Variants in TCF12 observed in about 807,000 individuals in gnomAD.
TCF12 encodes transcription factor 12.
Under a neutral mutation model 86.0 loss-of-function variants are expected in TCF12, and 45 were observed. The ratio of observed to expected loss-of-function variants is 0.52; its 90% CI spans 0.41 to 0.67. The LOEUF is 0.67. Ranked by LOEUF, TCF12 falls within the 30% of genes least tolerant of loss-of-function variation. TCF12 has a pLI of 0.00. For missense variants in TCF12, 881 were observed against 859.9 expected (o/e 1.02, Z -0.31); for synonymous variants, 330 against 299.6 (o/e 1.10, Z -1.05).
intron 3 of TCF12, among the ~76,000 whole-genome samples, chr15:56,946,612 C>T (rs2061007871): frequency 1.3e-5 from 2 of 152,104 alleles, no homozygotes; most frequent in South Asian, 4.1e-4. Flanking sequence ...TGCTGCTGCA[C>T]ATGCCTTGTA....
At position 57,104,716 on chromosome 15, in the gene TCF12, A is replaced by T. The variant is rs2050014223; in HGVS notation, c.325+12825A>T. ...TTGCCAAAGTGCTGGGATTACAGGC[A>T]TGACCCACTGTGCCTGGCCATAAAT... is the stretch of plus-strand genomic sequence containing the variant. On this transcript the variant is annotated intron_variant, in intron 5 of 20. Coordinates refer to ENST00000333725, the MANE Select transcript of TCF12 (RefSeq NM_207037.2). Among the ~76,000 whole-genome samples the T allele has an allele frequency of 2.0e-5, 3 of 149,864 alleles. No individual in the cohort carries two copies. In the South Asian group the frequency reaches 6.4e-4, roughly 32 times the overall value.
At chr15:57,198,348 CTTCA>C (rs1566903108) in intron 8 of TCF12, among the ~76,000 whole-genome samples, 1 of 152,080 alleles carries the variant, frequency 6.6e-6, no homozygotes, top group African/African-American at 2.4e-5. Flanking sequence ...GTTTTAAAGC[CTTCA>C]TTAAGCCTTT....
chr15:57,234,177 G>T, intron 12 of TCF12, 70 bp downstream of exon 12: 1 of 1,200,800 alleles, frequency 8.3e-7, no homozygotes. Context: ...AGATTTTGTA[G>T]GTGATAAGTA....
At chr15:57,061,075 T>C (rs1285236697) in intron 3 of TCF12, among the ~76,000 whole-genome samples, 4 of 152,212 alleles carry the variant, frequency 2.6e-5, no homozygotes, top group African/African-American at 9.6e-5. Flanking sequence ...ATTTCCAGTA[T>C]CAGTGGTATG....
chr15:57,012,335 G>GGTAT (rs1387545989), intron 3 of TCF12, among the ~76,000 whole-genome samples: 4 of 152,002 alleles, frequency 2.6e-5, no homozygotes, highest in African/African-American at 9.7e-5. Flanking sequence ...TTCATAACTT[G>GGTAT]GTATGTATTT....
intron 5 of TCF12, among the ~76,000 whole-genome samples, chr15:57,149,239 G>A (rs2053578470): frequency 6.6e-6 from 1 of 152,144 alleles, no homozygotes; most frequent in Non-Finnish European, 1.5e-5. Context: ...GTGGTTATCT[G>A]TAGCATATAT....
intron 3 of TCF12, among the ~76,000 whole-genome samples, chr15:56,944,106 A>C (rs2060894595): frequency 6.6e-6 from 1 of 152,162 alleles, no homozygotes; most frequent in Non-Finnish European, 1.5e-5. Context: ...AACATGAAAA[A>C]CTTGAAATTT....
At chr15:57,092,948 G>T (rs1361259987) in intron 5 of TCF12, among the ~76,000 whole-genome samples, 1 of 152,160 alleles carries the variant, frequency 6.6e-6, no homozygotes, top group Non-Finnish European at 1.5e-5. Context: ...GCTTTGCACA[G>T]TCTTTGTTTC....
At chr15:57,130,492 G>A (rs546303362) in intron 5 of TCF12, among the ~76,000 whole-genome samples, 4 of 152,106 alleles carry the variant, frequency 2.6e-5, no homozygotes, top group South Asian at 4.1e-4. Context: ...TCTTTTGGCA[G>A]GATTTGCAAA....
At chr15:57,098,826 A>G (rs1157395855) in intron 5 of TCF12, among the ~76,000 whole-genome samples, 1 of 152,182 alleles carries the variant, frequency 6.6e-6, no homozygotes, top group Non-Finnish European at 1.5e-5. Flanking sequence ...GATTTGGAGC[A>G]TGGGGGACCT....
At chr15:57,282,970 A>T (rs1262608895) in intron 20 of TCF12, among the ~76,000 whole-genome samples, 1 of 152,212 alleles carries the variant, frequency 6.6e-6, no homozygotes, top group Non-Finnish European at 1.5e-5. Context: ...AGAAATGCTG[A>T]CTATATCATC....
intron 11 of TCF12, among the ~76,000 whole-genome samples, chr15:57,233,321 A>G (rs1445920403): frequency 6.6e-6 from 1 of 151,804 alleles, no homozygotes; most frequent in Admixed American, 6.6e-5. Context: ...GACTACAGGC[A>G]TGTACCACCA....
intron 6 of TCF12, among the ~76,000 whole-genome samples, chr15:57,176,723 A>T (rs2055938310): frequency 1.3e-5 from 2 of 152,214 alleles, no homozygotes; most frequent in African/African-American, 4.8e-5. Flanking sequence ...CCAGGTTTCA[A>T]AGGAAGGAAA....
chr15:57,170,904 A>C (rs994974388), intron 6 of TCF12, among the ~76,000 whole-genome samples: 1 of 141,908 alleles, frequency 7.0e-6, no homozygotes, highest in Non-Finnish European at 1.5e-5. Flanking sequence ...ATCCTGACAA[A>C]GTGCTGTGAT....
chr15:57,273,556 C>G (rs1322115367), intron 19 of TCF12, among the ~76,000 whole-genome samples: 1 of 152,064 alleles, frequency 6.6e-6, no homozygotes. Flanking sequence ...GCTCTGGTTG[C>G]TTCTGATCTC....
At chr15:57,262,553 T>C (rs767820965) in intron 17 of TCF12, among the ~76,000 whole-genome samples, 1 of 152,218 alleles carries the variant, frequency 6.6e-6, no homozygotes, top group African/African-American at 2.4e-5. Context: ...CTGATTATAC[T>C]GAGAGCTCCG....
rs1301707032 is a variant in TCF12 at position 57,282,587 on chromosome 15, A to G, written c.2121A>G (p.Ter707=). 6.2e-7 allele frequency: 1 copy of G among 1,612,248 alleles called. No homozygotes were observed. The highest frequency in any genetic ancestry group is 1.7e-5 in the Admixed American group (1 of 59,592). The part of the protein sequence containing the change: ...SETTNPMGHM[*] ...CTACCAACCCTATGGGTCATATGTAAACATCAGCCAGGTAAGTACGGGTTT... is the reference window on the plus strand; with the variant it reads ...CTACCAACCCTATGGGTCATATGTAGACATCAGCCAGGTAAGTACGGGTTT... The change falls in exon 20 of 21, where the codon TAA becomes TAG. Residue 707 remains the stop codon, a stop_retained_variant. Transcript: ENST00000333725.
intron 8 of TCF12, among the ~76,000 whole-genome samples, chr15:57,202,095 A>G (rs561792812): frequency 4.9e-4 from 75 of 152,308 alleles, no homozygotes; most frequent in African/African-American, 1.7e-3. Flanking sequence ...CTTTTGCCAA[A>G]CAACTCTATA....
chr15:57,129,363 C>T (rs1361555858), intron 5 of TCF12, among the ~76,000 whole-genome samples: 2 of 152,166 alleles, frequency 1.3e-5, no homozygotes, highest in South Asian at 4.1e-4. Context: ...GAGTTCGAGA[C>T]CAGCCTGGGC....
Sources: gnomAD v4.1 joint callset for allele counts (sites outside exome capture counted in the v4.1 genomes callset) on GRCh38, gnomAD v4.1.1 for gene constraint, MANE v1.5 for transcripts, NCBI Gene and HGNC (gene_info 2026-07-23, HGNC 2026-07-21) for gene names.